Variants in CLASP2 observed in about 807,000 individuals in gnomAD.
The protein encoded by CLASP2 is cytoplasmic linker associated protein 2.
In CLASP2, 47 loss-of-function variants were observed where a neutral mutation model predicts 194.4. The observed-to-expected ratio is 0.24, with a 90% CI of 0.19 to 0.31. The LOEUF (loss-of-function observed/expected upper bound fraction) is 0.31. Among genes scored for constraint, CLASP2 ranks in the 10% least tolerant of loss-of-function variants. The pLI, the probability that CLASP2 is intolerant of heterozygous loss-of-function variation, is 1.00. For synonymous variants in CLASP2, 619 were observed against 633.5 expected (o/e 0.98, Z 0.34); for missense variants, 1,445 against 1,823.6 (o/e 0.79, Z 3.78).
chr3:33,692,545 C>T (rs1376877234), intron 2 of CLASP2, among the ~76,000 whole-genome samples: 1 of 152,184 alleles, frequency 6.6e-6, no homozygotes, highest in Non-Finnish European at 1.5e-5. Flanking sequence ...TAGAACAAGA[C>T]TGTATTCCTA....
intron 2 of CLASP2, 32 bp downstream of exon 2, chr3:33,696,823 T>A: frequency 1.5e-6 from 2 of 1,341,460 alleles, no homozygotes; most frequent in South Asian, 1.3e-5. Context: ...TCAAATCTTA[T>A]TTAGAATTGT....
intron 1 of CLASP2, among the ~76,000 whole-genome samples, chr3:33,708,504 ATG>A (rs1491345420): frequency 1.7e-4 from 10 of 59,242 alleles, no homozygotes; most frequent in South Asian, 5.9e-4. Context: ...ATATATATAT[ATG>A]TATATATATG....
In CLASP2 at chr3:33,510,756, T is replaced by C; in HGVS notation, c.4119A>G (p.Arg1373=). The change falls in exon 37 of 39, where the codon AGA becomes AGG. Residue 1373 remains arginine, a synonymous_variant. Transcript: ENST00000682230. ...ACACTGATGCCGCTTCCTCAGCAGA[T>C]CTCACCACCTAAAAAAAATAGGAAA... ...AHKDPHKEVV[R]SAEEAASVLA... 1 of 1,606,816 alleles carries C rather than the reference T, an allele frequency of 6.2e-7. No homozygotes were observed. The highest frequency in any genetic ancestry group is 1.3e-5 in the African/African-American group (1 of 74,840).
intron 27 of CLASP2, 47 bp downstream of exon 27, chr3:33,566,685 A>G (rs976163275): frequency 9.1e-6 from 4 of 438,968 alleles, no homozygotes; most frequent in Admixed American, 7.8e-5. Flanking sequence ...TTAATTTCAC[A>G]GTCATGCAGT....
chr3:33,558,017 A>T (rs927571055), intron 29 of CLASP2, among the ~76,000 whole-genome samples: 5 of 152,226 alleles, frequency 3.3e-5, no homozygotes, highest in Non-Finnish European at 4.4e-5. Flanking sequence ...GACAACGATG[A>T]GACTAGAAAT....
chr3:33,681,368 C>T (rs2089825934), intron 6 of CLASP2, among the ~76,000 whole-genome samples: 1 of 152,054 alleles, frequency 6.6e-6, no homozygotes, highest in Admixed American at 6.6e-5. Flanking sequence ...TTGGTATTGG[C>T]AAACAACTGC....
intron 8 of CLASP2, among the ~76,000 whole-genome samples, chr3:33,642,241 G>GAT (rs1334003814): frequency 2.6e-5 from 4 of 151,972 alleles, no homozygotes; most frequent in Admixed American, 6.5e-5. Flanking sequence ...TGTGCTGAAA[G>GAT]ATATATATAA....
At chr3:33,577,390 A>G in intron 23 of CLASP2, 1 of 676,902 alleles carries the variant, frequency 1.5e-6, no homozygotes, top group Non-Finnish European at 2.4e-6. Flanking sequence ...TGATCAGAGT[A>G]TTGCCAAATA....
rs534121233 is a variant in CLASP2 at position 33,612,398 on chromosome 3, C to T, written c.1318-327G>A. Among the ~76,000 whole-genome samples, 17 of 152,282 alleles carry T rather than the reference C, an allele frequency of 1.1e-4. No homozygotes were observed. The East Asian group carries it at 3.3e-3, about 29-fold the overall frequency. On this transcript the variant is annotated intron_variant, in intron 12 of 38. Coordinates refer to ENST00000682230, the MANE Select transcript of CLASP2 (RefSeq NM_001365631.1). ...ACTGGGCATGTACTGGCCACATTTT[C>T]TGAAGTACCATGGCTACTGCTGGTA...
intron 25 of CLASP2, 70 bp from the exon 26 acceptor site, chr3:33,570,860 T>TG: frequency 8.3e-7 from 1 of 1,199,856 alleles, no homozygotes; most frequent in Non-Finnish European, 1.1e-6. Flanking sequence ...TAACTTTACA[T>TG]ATAATTTTCT....
chr3:33,627,131 T>G, intron 9 of CLASP2, 51 bp from the exon 10 acceptor site: 1 of 1,021,036 alleles, frequency 9.8e-7, no homozygotes, highest in Non-Finnish European at 1.5e-6. Flanking sequence ...ATGAACAATA[T>G]CAAAATTATG....
chr3:33,597,723 A>G (rs991357493), intron 18 of CLASP2, among the ~76,000 whole-genome samples: 1 of 149,924 alleles, frequency 6.7e-6, no homozygotes, highest in Non-Finnish European at 1.5e-5. Context: ...CACTGTGAAC[A>G]TGTTGCATTG....
At position 33,598,959 on chromosome 3, in the gene CLASP2, C is replaced by T. The variant is rs537203837; in HGVS notation, c.1925-2225G>A. 2.0e-5 allele frequency among the ~76,000 whole-genome samples: 3 copies of T among 152,194 alleles called. No homozygotes were observed. In the East Asian group the frequency reaches 5.8e-4, roughly 29 times the overall value. Reference sequence around the variant, plus strand: ...AAAATATCCCTGCTGCCAAAAAATTCAGTACTTTAGAGATAACAAAAACCA... The same window carrying T: ...AAAATATCCCTGCTGCCAAAAAATTTAGTACTTTAGAGATAACAAAAACCA... On this transcript the variant is annotated intron_variant, in intron 18 of 38. Transcript: ENST00000682230.
intron 8 of CLASP2, among the ~76,000 whole-genome samples, chr3:33,637,001 T>C (rs1346644152): frequency 6.6e-6 from 1 of 152,142 alleles, no homozygotes; most frequent in Admixed American, 6.5e-5. Context: ...TTAAAAGCTA[T>C]AAAAAATATT....
At chr3:33,547,314 C>T (rs2059304686) in intron 30 of CLASP2, among the ~76,000 whole-genome samples, 1 of 152,184 alleles carries the variant, frequency 6.6e-6, no homozygotes, top group Non-Finnish European at 1.5e-5. Flanking sequence ...GGCTCATTCT[C>T]CCTCTCTGCC....
At chr3:33,597,613 A>C (rs2070786228) in intron 18 of CLASP2, among the ~76,000 whole-genome samples, 1 of 152,070 alleles carries the variant, frequency 6.6e-6, no homozygotes, top group Non-Finnish European at 1.5e-5. Flanking sequence ...GTGCAAGCAG[A>C]GTGCCTTATG....
chr3:33,659,091 C>G (rs1335619327), intron 7 of CLASP2: 1 of 1,501,156 alleles, frequency 6.7e-7, no homozygotes, highest in African/African-American at 1.4e-5. Context: ...AGCCTGCAGA[C>G]ACCCGGAGCA....
intron 34 of CLASP2, among the ~76,000 whole-genome samples, chr3:33,523,882 A>G (rs1465317644): frequency 6.6e-6 from 1 of 152,226 alleles, no homozygotes; most frequent in Non-Finnish European, 1.5e-5. Flanking sequence ...ACTGGCATAC[A>G]TTTAAAGTAG....
At chr3:33,715,704 A>T (rs2093259960) in intron 1 of CLASP2, among the ~76,000 whole-genome samples, 1 of 152,174 alleles carries the variant, frequency 6.6e-6, no homozygotes, top group African/African-American at 2.4e-5. Flanking sequence ...TAAGACACTC[A>T]GATTCTGAAG....
Sources: gnomAD v4.1 joint callset for allele counts (sites outside exome capture counted in the v4.1 genomes callset) on GRCh38, gnomAD v4.1.1 for gene constraint, MANE v1.5 for transcripts, NCBI Gene and HGNC (gene_info 2026-07-23, HGNC 2026-07-21) for gene names.